The following DNAJB14 variants were observed in gnomAD, a reference collection of about 807,000 sequenced individuals.
DNAJB14 encodes DnaJ heat shock protein family (Hsp40) member B14.
In DNAJB14, 22 loss-of-function variants were observed where a neutral mutation model predicts 48.4. The ratio of observed to expected loss-of-function variants is 0.45; its 90% CI spans 0.32 to 0.65. The LOEUF (loss-of-function observed/expected upper bound fraction) is 0.65, where lower values mean the gene tolerates loss of function less well. DNAJB14 is among the 30% of genes least tolerant of loss of function. The pLI is 0.03. For missense variants in DNAJB14, 319 were observed against 458.8 expected, an observed-to-expected ratio of 0.70 and a Z score of 2.78; for synonymous variants, 142 against 158.7, an observed-to-expected ratio of 0.89 and a Z score of 0.79.
chr4:99,926,702 T>C (rs998812168), intron 2 of DNAJB14: 21 of 151,788 alleles, frequency 1.4e-4, no homozygotes, highest in African/African-American at 4.8e-4. Flanking sequence ...TGCAGTGCTC[T>C]AGATAGGGTC....
At chr4:99,911,596 G>A (rs114451986) in intron 3 of DNAJB14, among the ~76,000 whole-genome samples, 2 of 152,198 alleles carry the variant, frequency 1.3e-5, no homozygotes, top group Non-Finnish European at 2.9e-5. Flanking sequence ...AATGTGTAGT[G>A]ATATCCCATT....
chr4:99,906,559 C>T lies in DNAJB14; in HGVS notation c.690G>A (p.Gln230=), dbSNP rs1205484975. ...CTCTTTCATGTCCACTATGTCGATGCTGATGTTGTTGGCTATAACCAGCTC... is the reference window on the plus strand; with the variant it reads ...CTCTTTCATGTCCACTATGTCGATGTTGATGTTGTTGGCTATAACCAGCTC... ...NGRAGYSQQH[Q]HRHSGHEREE... The change falls in exon 5 of 8, where the codon CAG becomes CAA. Residue 230 remains glutamine (Q), a synonymous_variant. Coordinates refer to ENST00000442697, the MANE Select transcript of DNAJB14 (RefSeq NM_001031723.4). The T allele has an allele frequency of 5.6e-6, 9 of 1,611,340 alleles. No individual in the cohort carries two copies. The highest frequency in any genetic ancestry group is 4.0e-5 in the African/African-American group (3 of 74,820).
chr4:99,933,107 A>G (rs999554661), intron 1 of DNAJB14, among the ~76,000 whole-genome samples: 2 of 152,114 alleles, frequency 1.3e-5, no homozygotes, highest in African/African-American at 4.8e-5. Context: ...AATACTAAAG[A>G]AACACTGAAT....
At chr4:99,925,968 C>G (rs927955998) in intron 2 of DNAJB14, 11 of 152,164 alleles carry the variant, frequency 7.2e-5, no homozygotes, top group African/African-American at 2.7e-4. Flanking sequence ...CTTCCTATTT[C>G]TTTCTTACCA....
chr4:99,926,805 T>A (rs1189898630), intron 2 of DNAJB14: 1 of 152,000 alleles, frequency 6.6e-6, no homozygotes, highest in Non-Finnish European at 1.5e-5. Context: ...TGTATCCAGC[T>A]CCACCATATC....
At position 99,898,414 on chromosome 4, in the gene DNAJB14, AATTCAGTTCACATTT is replaced by A. The variant is rs776555196; in HGVS notation, c.*2599_*2613del. The A allele has an allele frequency of 7.2e-5, 11 of 152,006 alleles. No individual in the cohort carries two copies. The highest frequency in any genetic ancestry group is 1.0e-4 in the Non-Finnish European group (7 of 67,848). The allele number at this position is 152,006 out of a possible 1,614,324, so 9.4% of individuals were successfully genotyped here. On this transcript the variant is annotated 3_prime_UTR_variant, in exon 8 of 8. Coordinates refer to ENST00000442697, the MANE Select transcript of DNAJB14 (RefSeq NM_001031723.4). ...CAACTTGACATTTTTCATTGCTGAG[AATTCAGTTCACATTT>A]AATCAAACTACATTTCGAAATTTAC...
intron 5 of DNAJB14, chr4:99,905,958 CTCTT>C: frequency 7.7e-7 from 1 of 1,304,356 alleles, no homozygotes; most frequent in Non-Finnish European, 9.8e-7. Flanking sequence ...TCATTTCTTT[CTCTT>C]TCTCTTTCCC....
In DNAJB14 at chr4:99,946,491, G is replaced by C; in HGVS notation, c.81C>G (p.Ala27=). Residue 27 remains alanine, a synonymous_variant, in exon 1 of 8, where the codon GCC becomes GCG. Coordinates refer to ENST00000442697, the MANE Select transcript of DNAJB14 (RefSeq NM_001031723.4). ...TCTCGGCCTTCTGCAGGAAGCGCTGGGCCTTCTCGCGGTTGCCGGCGTTCA... is the reference window on the plus strand; with the variant it reads ...TCTCGGCCTTCTGCAGGAAGCGCTGCGCCTTCTCGCGGTTGCCGGCGTTCA... The part of the protein sequence containing the change: ...EALNAGNREK[A]QRFLQKAEKL... 6.2e-7 allele frequency: 1 copy of C among 1,613,728 alleles called. No homozygotes were observed. Among genetic ancestry groups the C allele is most frequent in the Non-Finnish European group, 8.5e-7 (1 of 1,179,784 alleles).
At chr4:99,902,395 G>A (rs984424444) in intron 7 of DNAJB14, among the ~76,000 whole-genome samples, 18 of 151,838 alleles carry the variant, frequency 1.2e-4, no homozygotes, top group African/African-American at 3.9e-4. Context: ...GATGGGTGGG[G>A]TGGGGGAAGG....
intron 2 of DNAJB14, chr4:99,928,417 A>G (rs17541426): frequency 0.051 from 11,739 of 229,558 alleles, 456 homozygotes; most frequent in Middle Eastern, 0.13. Flanking sequence ...ATCATCTTTC[A>G]TTCTTCCATT....
chr4:99,913,614 G>A (rs1463304664), intron 3 of DNAJB14, among the ~76,000 whole-genome samples: 3 of 143,066 alleles, frequency 2.1e-5, no homozygotes, highest in African/African-American at 7.8e-5. Context: ...AAGTATACTG[G>A]TCTGTAGTTT....
chr4:99,902,627 TA>T (rs57026259), intron 7 of DNAJB14, among the ~76,000 whole-genome samples: 9,815 of 152,268 alleles, frequency 0.064, 465 homozygotes, highest in East Asian at 0.24. Flanking sequence ...GAGATGATGA[TA>T]ATTGCTGACA....
chr4:99,945,038 G>C (rs1004052850), intron 1 of DNAJB14, among the ~76,000 whole-genome samples: 1 of 152,158 alleles, frequency 6.6e-6, no homozygotes, highest in African/African-American at 2.4e-5. Context: ...AAAGTAGAAT[G>C]GTAGTTGCCA....
At chr4:99,920,807 CTT>C (rs1342420473) in intron 3 of DNAJB14, among the ~76,000 whole-genome samples, 3 of 152,148 alleles carry the variant, frequency 2.0e-5, no homozygotes, top group Non-Finnish European at 4.4e-5. Context: ...CTAATTACCT[CTT>C]CTTTTTCTAT....
At chr4:99,905,094 G>T (rs1725418654) in intron 6 of DNAJB14, among the ~76,000 whole-genome samples, 1 of 151,788 alleles carries the variant, frequency 6.6e-6, no homozygotes, top group East Asian at 1.9e-4. Context: ...TATTAAAGTT[G>T]TCTAGATTGC....
At position 99,908,782 on chromosome 4, in the gene DNAJB14, T is replaced by C. The variant is rs1725555248; in HGVS notation, c.566A>G (p.His189Arg). The C allele has an allele frequency of 4.3e-6, 7 of 1,612,540 alleles. No homozygotes were observed. The highest frequency in any genetic ancestry group is 1.7e-4 in the Middle Eastern group (1 of 6,056). Residue 189 changes from histidine (H) to arginine (R), a missense_variant, in exon 4 of 8, where the codon CAT (histidine) becomes CGT (arginine). Coordinates refer to ENST00000442697, the MANE Select transcript of DNAJB14 (RefSeq NM_001031723.4). The stretch of plus-strand genomic sequence containing the variant: ...AGTTATATCAGCTTCACAACCTCTA[T>C]GGAAATTAAATCTGCCATTGTTTTG... ...NHQNNGRFNF[H>R]RGCEADITPE...
chr4:99,931,246 A>G (rs1726457249), intron 1 of DNAJB14, among the ~76,000 whole-genome samples: 1 of 152,186 alleles, frequency 6.6e-6, no homozygotes. Context: ...GGTAAATATG[A>G]GAGTAAATGT....
rs1383315293 is a variant in DNAJB14, at chr4:99,896,367, CAG to C, written c.*4659_*4660del. ...AAAATCAAATGCATTTGAGTTCTCACAGAAAATTTTATGTAAGTCTGATATAA... is the reference window on the plus strand; with the variant it reads ...AAAATCAAATGCATTTGAGTTCTCACAAAATTTTATGTAAGTCTGATATAA... On this transcript the variant is annotated 3_prime_UTR_variant, in exon 8 of 8. Coordinates refer to ENST00000442697, the MANE Select transcript of DNAJB14 (RefSeq NM_001031723.4). 1 of 152,124 alleles carries C rather than the reference CAG, an allele frequency of 6.6e-6. No homozygotes were observed. Among genetic ancestry groups the C allele is most frequent in the Admixed American group, 6.5e-5 (1 of 15,278 alleles). The allele number at this position is 152,124 out of a possible 1,614,324, so 9.4% of individuals were successfully genotyped here. A position where few individuals can be genotyped will look rare whatever the true frequency, so the allele number is the denominator to read the frequency against.
chr4:99,903,934 TG>T, intron 6 of DNAJB14, 36 bp from the exon 7 acceptor site: 1 of 1,586,178 alleles, frequency 6.3e-7, no homozygotes, highest in Non-Finnish European at 8.6e-7. Context: ...TAATTAAAAT[TG>T]GACATTCCAA....
Sources: gnomAD v4.1 joint callset for allele counts (sites outside exome capture counted in the v4.1 genomes callset) on GRCh38, gnomAD v4.1.1 for gene constraint, MANE v1.5 for transcripts, NCBI Gene and HGNC (gene_info 2026-07-23, HGNC 2026-07-21) for gene names.